Variants in DOP1B observed in about 807,000 individuals in gnomAD.
DOP1B encodes DOP1 leucine zipper like protein B, also known as protein DOP1B.
DOP1B carries 174 observed loss-of-function variants against 233.5 expected under a neutral mutation model. That is an observed-to-expected ratio of 0.75 (90% CI 0.66 to 0.85). The LOEUF (loss-of-function observed/expected upper bound fraction) is 0.85, where lower values mean the gene tolerates loss of function less well. Ranked by LOEUF, DOP1B falls within the 40% of genes least tolerant of loss-of-function variation. The probability of loss-of-function intolerance (pLI) is 0.00; values close to 1 mark genes in which losing one functional copy is unlikely to be tolerated. For synonymous variants in DOP1B, 1,190 were observed against 1,185.6 expected (o/e 1.00, Z -0.08); for missense variants, 2,652 against 2,846.6 (o/e 0.93, Z 1.56).
In DOP1B at chr21:36,271,125, T is replaced by TA. The variant is rs79382444; in HGVS notation, c.5632+983dup. ...GGTAAGGGAAAAGATGTTGGAAAGTTAAAAAAAAAAAAAAAGTTTAGGCAT... is the reference window on the plus strand; with the variant it reads ...GGTAAGGGAAAAGATGTTGGAAAGTTAAAAAAAAAAAAAAAAGTTTAGGCAT... On this transcript the variant is annotated intron_variant, in intron 27 of 36. Transcript: ENST00000691173. Among the ~76,000 whole-genome samples, 587 of 138,430 alleles carry TA rather than the reference T, an allele frequency of 4.2e-3. 5 individuals carry two copies. Among genetic ancestry groups the TA allele is most frequent in the East Asian group, 0.025 (124 of 4,896 alleles). The allele number at this position is 138,430 out of a possible 152,430, so 90.8% of individuals were successfully genotyped here.
At chr21:36,281,641 CT>C (rs767211700) in intron 32 of DOP1B, 30 bp downstream of exon 32, 1 of 1,509,694 alleles carries the variant, frequency 6.6e-7, no homozygotes, top group Admixed American at 2.0e-5. Context: ...CTGTTTTTTG[CT>C]GCTATAACAG....
intron 32 of DOP1B, among the ~76,000 whole-genome samples, chr21:36,283,359 A>G (rs78715919): frequency 0.032 from 4,943 of 152,262 alleles, 109 homozygotes; most frequent in Non-Finnish European, 0.046. Context: ...CTTGGATTAC[A>G]GGCATGAGCC....
At chr21:36,224,694 A>G (rs1011453648) in intron 11 of DOP1B, among the ~76,000 whole-genome samples, 2 of 150,050 alleles carry the variant, frequency 1.3e-5, no homozygotes, top group Non-Finnish European at 3.0e-5. Flanking sequence ...AAAGCAATAG[A>G]TACTTTTTAA....
At chr21:36,225,991 G>A (rs1002505051) in intron 12 of DOP1B, among the ~76,000 whole-genome samples, 1 of 152,138 alleles carries the variant, frequency 6.6e-6, no homozygotes, top group Non-Finnish European at 1.5e-5. Flanking sequence ...TTAAAATTGT[G>A]CTGTTGGCTA....
At chr21:36,159,141 AAAACC>A (rs1264546158) in intron 1 of DOP1B, among the ~76,000 whole-genome samples, 1 of 151,630 alleles carries the variant, frequency 6.6e-6, no homozygotes, top group African/African-American at 2.4e-5. Context: ...TCAAAAATCA[AAAACC>A]AAAACAAAAC....
chr21:36,288,081 CAG>C lies in DOP1B; in HGVS notation c.6231_6232del (p.Arg2077SerfsTer21), dbSNP rs1297702334. On this transcript the variant is annotated frameshift_variant, in exon 33 of 37. Coordinates refer to ENST00000691173, the MANE Select transcript of DOP1B (RefSeq NM_001320714.2). LOFTEE classifies it high-confidence loss of function. ...TTGCTGCTCAGATGTTTCTTTTTTT[CAG>C]AGTTTTGCTGCTAAGAATATCTCCT... Reference protein sequence around the residue: ...IVAAQMFLFFRVLLLRISPQH... With the variant: ...IVAAQMFLFFXVLLLRISPQH... The C allele has an allele frequency of 1.2e-6, 2 of 1,613,758 alleles. No homozygotes were observed. The highest frequency in any genetic ancestry group is 1.7e-6 in the Non-Finnish European group (2 of 1,179,938).
In DOP1B at chr21:36,246,062, CAG is replaced by C. The variant is rs752585341; in HGVS notation, c.4083_4084del (p.Val1362GlyfsTer58). 1 of 1,614,042 alleles carries C rather than the reference CAG, an allele frequency of 6.2e-7. No individual in the cohort carries two copies. The highest frequency in any genetic ancestry group is 2.2e-5 in the East Asian group (1 of 44,852). On this transcript the variant is annotated frameshift_variant, in exon 19 of 37. Coordinates refer to ENST00000691173, the MANE Select transcript of DOP1B (RefSeq NM_001320714.2). LOFTEE classifies it high-confidence loss of function. The surrounding 1 kb of genome is among the most constrained non-coding windows in gnomAD (Gnocchi z 5.1). ...ATCAGGATAATGATGCAGCTGGTCT[CAG>C]TGGCCAAGTCTTCGGAAGGGAAGAA...
chr21:36,260,964 G>A (rs2067162753), intron 24 of DOP1B: 2 of 1,270,548 alleles, frequency 1.6e-6, no homozygotes, highest in Middle Eastern at 3.0e-4. Context: ...TATGAGCGAA[G>A]CTTTATGTGA....
intron 5 of DOP1B, among the ~76,000 whole-genome samples, chr21:36,209,282 C>T (rs970180560): frequency 1.3e-5 from 2 of 152,130 alleles, no homozygotes; most frequent in African/African-American, 4.8e-5. Flanking sequence ...CCACCATGCC[C>T]GGCTAATTTT....
intron 14 of DOP1B, among the ~76,000 whole-genome samples, chr21:36,232,525 G>A (rs1452266742): frequency 3.3e-5 from 5 of 152,158 alleles, no homozygotes; most frequent in African/African-American, 2.4e-5. Context: ...TCTTCACAGG[G>A]TGTCCTCTGT....
intron 4 of DOP1B, among the ~76,000 whole-genome samples, chr21:36,208,206 C>G (rs2066451184): frequency 6.6e-6 from 1 of 152,182 alleles, no homozygotes; most frequent in Admixed American, 6.5e-5. Context: ...TTGCCCCTAG[C>G]ATTTCTAAAG....
chr21:36,251,394 G>GTTGATTT, intron 22 of DOP1B, 110 bp downstream of exon 22: 1 of 1,385,398 alleles, frequency 7.2e-7, no homozygotes, highest in Non-Finnish European at 9.6e-7. Flanking sequence ...AAACTATTGA[G>GTTGATTT]TTGATTTAAT....
chr21:36,159,531 C>A (rs2065851713), intron 1 of DOP1B, among the ~76,000 whole-genome samples: 1 of 152,224 alleles, frequency 6.6e-6, no homozygotes, highest in South Asian at 2.1e-4. Flanking sequence ...TGGTAGCATA[C>A]CACGTGCCCC....
intron 4 of DOP1B, among the ~76,000 whole-genome samples, chr21:36,205,797 G>T (rs959282205): frequency 6.6e-6 from 1 of 151,936 alleles, no homozygotes; most frequent in African/African-American, 2.4e-5. Flanking sequence ...CTGAGCTCAG[G>T]TGTTCAAGAC....
At chr21:36,280,252 A>T in intron 30 of DOP1B, 33 bp from the exon 31 acceptor site, 1 of 1,487,822 alleles carries the variant, frequency 6.7e-7, no homozygotes, top group East Asian at 2.3e-5. Context: ...ATCCACTGCA[A>T]ATTTAATTGA....
intron 1 of DOP1B, among the ~76,000 whole-genome samples, chr21:36,162,412 C>T (rs2065877233): frequency 6.6e-6 from 1 of 152,196 alleles, no homozygotes; most frequent in African/African-American, 2.4e-5. Context: ...TCAGGTTAGT[C>T]TCAAACTCCT....
At chr21:36,176,681 C>T (rs946375861) in intron 2 of DOP1B, among the ~76,000 whole-genome samples, 2 of 152,272 alleles carry the variant, frequency 1.3e-5, no homozygotes, top group Middle Eastern at 3.4e-3. Flanking sequence ...TCTTGACTGG[C>T]TTCACGTTAA....
chr21:36,289,497 T>C (rs2067533190), intron 35 of DOP1B, among the ~76,000 whole-genome samples: 1 of 151,018 alleles, frequency 6.6e-6, no homozygotes, highest in Admixed American at 6.7e-5. Context: ...TGAATGCTTA[T>C]AAAACAGGGC....
At chr21:36,208,091 C>A (rs963519884) in intron 4 of DOP1B, among the ~76,000 whole-genome samples, 1 of 152,168 alleles carries the variant, frequency 6.6e-6, no homozygotes, top group African/African-American at 2.4e-5. Flanking sequence ...GCACAAGAGC[C>A]CCTGGGAGCG....
Sources: gnomAD v4.1 joint callset for allele counts (sites outside exome capture counted in the v4.1 genomes callset) on GRCh38, gnomAD v4.1.1 for gene constraint, Gnocchi (gnomAD v3.1) non-coding constraint, MANE v1.5 for transcripts, NCBI Gene and HGNC (gene_info 2026-07-23, HGNC 2026-07-21) for gene names.